SYT9: variants seen among roughly 807,000 people sequenced by gnomAD.
SYT9 encodes the protein synaptotagmin 9.
SYT9 carries 22 observed loss-of-function variants against 48.4 expected under a neutral mutation model. The ratio of observed to expected loss-of-function variants is 0.45; its 90% CI spans 0.32 to 0.65. The LOEUF (loss-of-function observed/expected upper bound fraction) is 0.65. Among genes scored for constraint, SYT9 ranks in the 30% least tolerant of loss-of-function variants. The pLI, the probability that SYT9 is intolerant of heterozygous loss-of-function variation, is 0.03. For synonymous variants in SYT9, 265 were observed against 245.0 expected (o/e 1.08, Z -0.76); for missense variants, 577 against 622.0 (o/e 0.93, Z 0.77).
At chr11:7,451,705 C>T (rs547404975) in intron 6 of SYT9, among the ~76,000 whole-genome samples, 18 of 152,298 alleles carry the variant, frequency 1.2e-4, no homozygotes, top group Admixed American at 1.1e-3. Flanking sequence ...CACATCTTTC[C>T]ACTGGACTTG....
rs1181051188 is a variant in SYT9 at position 7,297,096 on chromosome 11, G to C, written c.146-5943G>C. On this transcript the variant is annotated intron_variant, in intron 1 of 6. Transcript: ENST00000318881. ...TGTGTGTGTGTGTGTGAGAGAGAGA[G>C]AGAGACAGAGAGAGAGAGAGAGAGA... Among the ~76,000 whole-genome samples, 4 of 151,524 alleles carry C rather than the reference G, an allele frequency of 2.6e-5. No homozygotes were observed. The South Asian group carries it at 8.4e-4, about 32-fold the overall frequency.
intron 3 of SYT9, among the ~76,000 whole-genome samples, chr11:7,386,042 T>C (rs1850651788): frequency 6.6e-6 from 1 of 152,214 alleles, no homozygotes; most frequent in South Asian, 2.1e-4. Context: ...CTTTGCTCAA[T>C]AATATTTTTA....
At chr11:7,463,816 C>T (rs1256836204) in intron 6 of SYT9, among the ~76,000 whole-genome samples, 1 of 152,164 alleles carries the variant, frequency 6.6e-6, no homozygotes, top group African/African-American at 2.4e-5. Flanking sequence ...GCTGCACCGC[C>T]GTATTTCCAG....
chr11:7,364,828 T>C (rs1041049363), intron 3 of SYT9, among the ~76,000 whole-genome samples: 4 of 152,300 alleles, frequency 2.6e-5, no homozygotes, highest in African/African-American at 9.6e-5. Flanking sequence ...AAATAGAATT[T>C]GGGGTCAGAT....
intron 1 of SYT9, among the ~76,000 whole-genome samples, chr11:7,264,537 G>A (rs937966237): frequency 4.6e-5 from 7 of 152,090 alleles, no homozygotes; most frequent in African/African-American, 1.7e-4. Flanking sequence ...ATATGTAAAA[G>A]GATTAGGGAT....
At chr11:7,411,113 C>T (rs981142314) in intron 3 of SYT9, among the ~76,000 whole-genome samples, 8 of 152,218 alleles carry the variant, frequency 5.3e-5, no homozygotes, top group African/African-American at 1.9e-4. Flanking sequence ...CCTCGGCATC[C>T]CAAAATGCTA....
intron 6 of SYT9, among the ~76,000 whole-genome samples, chr11:7,432,373 C>A (rs962440394): frequency 6.6e-6 from 1 of 151,288 alleles, no homozygotes; most frequent in African/African-American, 2.4e-5. Context: ...ATGGTGAAAC[C>A]CTGTCTCTAC....
intron 6 of SYT9, among the ~76,000 whole-genome samples, chr11:7,434,418 GTTTTAGAAAACA>G (rs1183208702): frequency 2.0e-5 from 3 of 152,188 alleles, no homozygotes; most frequent in Admixed American, 2.0e-4. Context: ...TGGGCTTCTG[GTTTTAGAAAACA>G]TGATGGTAGA....
At chr11:7,409,727 A>G (rs1218713037) in intron 3 of SYT9, among the ~76,000 whole-genome samples, 1 of 149,988 alleles carries the variant, frequency 6.7e-6, no homozygotes, top group Non-Finnish European at 1.5e-5. Flanking sequence ...CTCCCTTTTC[A>G]TTTCTTGTTT....
intron 1 of SYT9, chr11:7,238,947 A>G (rs897286715): frequency 2.2e-6 from 1 of 456,070 alleles, no homozygotes; most frequent in Non-Finnish European, 4.4e-6. Context: ...TCTTGTGCCC[A>G]TCTCTGTCCC....
At chr11:7,241,098 T>G (rs1847734981) in intron 1 of SYT9, among the ~76,000 whole-genome samples, 1 of 152,182 alleles carries the variant, frequency 6.6e-6, no homozygotes, top group Non-Finnish European at 1.5e-5. Flanking sequence ...ACATGCATCT[T>G]GAGACACTGT....
chr11:7,431,634 G>A (rs1028645241), intron 6 of SYT9, among the ~76,000 whole-genome samples: 39 of 152,354 alleles, frequency 2.6e-4, no homozygotes, highest in African/African-American at 9.4e-4. Context: ...TAAGAGTGAT[G>A]AATGGTTTTG....
chr11:7,423,340 G>A (rs1374431223), intron 6 of SYT9, among the ~76,000 whole-genome samples: 1 of 152,176 alleles, frequency 6.6e-6, no homozygotes, highest in African/African-American at 2.4e-5. Flanking sequence ...TATTGGAGAG[G>A]TTGGCCATGC....
At chr11:7,438,332 C>T (rs1457193849) in intron 6 of SYT9, 1 of 152,242 alleles carries the variant, frequency 6.6e-6, no homozygotes, top group Non-Finnish European at 1.5e-5. Context: ...TCACAGAGCA[C>T]ACAGGATGCT....
intron 1 of SYT9, among the ~76,000 whole-genome samples, chr11:7,294,820 T>C (rs1372184421): frequency 6.6e-6 from 1 of 152,196 alleles, no homozygotes; most frequent in Non-Finnish European, 1.5e-5. Flanking sequence ...AGGAAGACAA[T>C]TGCCATCCCT....
At chr11:7,331,928 T>A (rs1450105115) in intron 3 of SYT9, among the ~76,000 whole-genome samples, 1 of 152,234 alleles carries the variant, frequency 6.6e-6, no homozygotes, top group Non-Finnish European at 1.5e-5. Flanking sequence ...TCTGTAACTA[T>A]ATTCCTATTA....
intron 3 of SYT9, among the ~76,000 whole-genome samples, chr11:7,338,294 A>G (rs796866713): frequency 6.6e-6 from 1 of 152,078 alleles, no homozygotes; most frequent in South Asian, 2.1e-4. Context: ...AGCTTTTTCA[A>G]AGAACAAGCT....
At position 7,241,234 on chromosome 11, in the gene SYT9, A is replaced by ACACACG. The variant is rs1164405596; in HGVS notation, c.49+2321_49+2322insACGCAC. On this transcript the variant is annotated intron_variant and NMD_transcript_variant, in intron 1 of 8. Transcript: ENST00000524820. ...CACACACACACACACACACACACACACACGCACACACTCACCCCCCCCACA... is the reference window on the plus strand; with the variant it reads ...CACACACACACACACACACACACACACACACGCACGCACACACTCACCCCCCCCACA... Among the ~76,000 whole-genome samples, 23 of 146,160 alleles carry ACACACG rather than the reference A, an allele frequency of 1.6e-4. 1 individual carries two copies. Among genetic ancestry groups the ACACACG allele is most frequent in the African/African-American group, 5.4e-4 (20 of 36,896 alleles).
intron 6 of SYT9, 62 bp from the exon 7 acceptor site, chr11:7,466,730 A>T: frequency 6.4e-7 from 1 of 1,567,794 alleles, no homozygotes; most frequent in East Asian, 2.3e-5. Context: ...CAAAAAAAAA[A>T]AAAAAAGAAA....
Sources: gnomAD v4.1 joint callset for allele counts (sites outside exome capture counted in the v4.1 genomes callset) on GRCh38, gnomAD v4.1.1 for gene constraint, MANE v1.5 for transcripts, NCBI Gene and HGNC (gene_info 2026-07-23, HGNC 2026-07-21) for gene names.